WNT7A: variants seen among roughly 807,000 people sequenced by gnomAD.
WNT7A encodes the protein protein Wnt-7a.
WNT7A carries 16 observed loss-of-function variants against 28.2 expected under a neutral mutation model. The ratio of observed to expected loss-of-function variants is 0.57; its 90% CI spans 0.38 to 0.86. WNT7A has a LOEUF of 0.86. Ranked by LOEUF, WNT7A falls within the 40% of genes least tolerant of loss-of-function variation. The probability of loss-of-function intolerance (pLI) is 0.00; values close to 1 mark genes in which losing one functional copy is unlikely to be tolerated. For missense variants in WNT7A, 411 were observed against 489.7 expected (o/e 0.84, Z 1.52); for synonymous variants, 190 against 195.9 (o/e 0.97, Z 0.25).
At chr3:13,834,323 TGA>T (rs1694329925) in intron 3 of WNT7A, among the ~76,000 whole-genome samples, 1 of 152,048 alleles carries the variant, frequency 6.6e-6, no homozygotes, top group African/African-American at 2.4e-5. Flanking sequence ...TGTGGGGAGC[TGA>T]GGAGAGAAAA....
chr3:13,861,822 G>A (rs1054075255), intron 2 of WNT7A, among the ~76,000 whole-genome samples: 1 of 152,214 alleles, frequency 6.6e-6, no homozygotes, highest in Admixed American at 6.5e-5. Context: ...TAGCTTCAAG[G>A]AGAATGGGAG....
chr3:13,834,824 A>T (rs1694340457), intron 3 of WNT7A, among the ~76,000 whole-genome samples: 1 of 152,132 alleles, frequency 6.6e-6, no homozygotes, highest in Admixed American at 6.5e-5. Flanking sequence ...GACACAGCAC[A>T]CGTTTTAGTT....
intron 3 of WNT7A, among the ~76,000 whole-genome samples, chr3:13,825,743 C>G (rs1694183729): frequency 6.6e-6 from 1 of 152,202 alleles, no homozygotes; most frequent in Admixed American, 6.5e-5. Context: ...CCATTTTAGC[C>G]AGAGGCAGTC....
At chr3:13,877,519 A>T (rs1237684777) in intron 1 of WNT7A, among the ~76,000 whole-genome samples, 3 of 152,222 alleles carry the variant, frequency 2.0e-5, no homozygotes, top group Admixed American at 1.3e-4. Flanking sequence ...CTGAGAGTGG[A>T]TAGGTTGGCA....
At chr3:13,870,940 T>A (rs1490163635) in intron 2 of WNT7A, among the ~76,000 whole-genome samples, 1 of 152,224 alleles carries the variant, frequency 6.6e-6, no homozygotes, top group Non-Finnish European at 1.5e-5. Flanking sequence ...AAGGGGACCT[T>A]GCCTGGTACC....
rs1575056906 is a variant in WNT7A, at chr3:13,818,368, A to AAAAAAAAAAAAAAAAAAAAAAAAG, written c.*575_*576insCTTTTTTTTTTTTTTTTTTTTTTT. On this transcript the variant is annotated 3_prime_UTR_variant, in exon 4 of 4. Transcript: ENST00000285018. ...GCAAACAGCAAAAAAAAAAAAAAAAATGTGTGTGTGTATATCTATATATGC... is the reference window on the plus strand; with the variant it reads ...GCAAACAGCAAAAAAAAAAAAAAAAAAAAAAAAAAAAAAAAAAAAAAAAGTGTGTGTGTGTATATCTATATATGC... 1 of 150,044 alleles carries AAAAAAAAAAAAAAAAAAAAAAAAG rather than the reference A, an allele frequency of 6.7e-6. No homozygotes were observed. The highest frequency in any genetic ancestry group is 2.5e-5 in the African/African-American group (1 of 40,606). 9.3% of individuals were successfully genotyped at this position (150,044 alleles called of 1,614,324 possible).
At chr3:13,856,893 A>G (rs9857076) in intron 2 of WNT7A, among the ~76,000 whole-genome samples, 2,389 of 72,606 alleles carry the variant, frequency 0.033, 130 homozygotes, top group African/African-American at 0.071. Flanking sequence ...AGAAGAAGAA[A>G]AAGAAGAAGA....
intron 3 of WNT7A, among the ~76,000 whole-genome samples, chr3:13,830,092 G>A (rs983777004): frequency 2.0e-4 from 31 of 152,168 alleles, no homozygotes; most frequent in African/African-American, 5.8e-4. Flanking sequence ...TCCCCGCAGC[G>A]TCTTCTCCCA....
Position 13,819,441 on chromosome 3 carries a change from G to A in WNT7A, c.571-18C>T. ...TCCAGGATCTGCAGGGGAGGGCGGG[G>A]AAGAGCACAGCACAGGTCACTGCAC... On this transcript the variant is annotated intron_variant, in intron 3 of 3. Transcript: ENST00000285018. The A allele has an allele frequency of 6.2e-7, 1 of 1,609,556 alleles. No individual in the cohort carries two copies. Among genetic ancestry groups the A allele is most frequent in the Non-Finnish European group, 8.5e-7 (1 of 1,179,820 alleles).
At position 13,854,672 on chromosome 3, in the gene WNT7A, C is replaced by G. The variant is rs1426739991; in HGVS notation, c.430G>C (p.Asp144His). 3.1e-6 allele frequency: 5 copies of G among 1,614,082 alleles called. No homozygotes were observed. In the East Asian group the frequency reaches 6.7e-5, roughly 22 times the overall value. Residue 144 changes from aspartate to histidine, a missense_variant, in exon 3 of 4, where the codon GAC becomes CAC. Asp to His is a moderately conservative substitution (Grantham distance 81). Coordinates refer to ENST00000285018, the MANE Select transcript of WNT7A (RefSeq NM_004625.4). Reference sequence around the variant, plus strand: ...CAGCCACCCCACTTCCAGCCCTCGTCCCGGTGGTACTGGCCTTGCTTCTCT... The same window carrying G: ...CAGCCACCCCACTTCCAGCCCTCGTGCCGGTGGTACTGGCCTTGCTTCTCT... ...DKEKQGQYHR[D>H]EGWKWGGCSA...
chr3:13,864,752 A>T lies in WNT7A; in HGVS notation c.299-9949T>A, dbSNP rs115191602. 5.2e-3 allele frequency among the ~76,000 whole-genome samples: 788 copies of T among 152,336 alleles called. 4 individuals are homozygous for T. The highest frequency in any genetic ancestry group is 0.018 in the African/African-American group (746 of 41,560). On this transcript the variant is annotated intron_variant, in intron 2 of 3. Transcript: ENST00000285018. ...ATTGAACCAAATGTACCAGAAAAAAATTAAAATATTATATACTTATATTGT... is the reference window on the plus strand; with the variant it reads ...ATTGAACCAAATGTACCAGAAAAAATTTAAAATATTATATACTTATATTGT...
intron 3 of WNT7A, among the ~76,000 whole-genome samples, chr3:13,822,756 T>C (rs1228593327): frequency 6.6e-6 from 1 of 152,210 alleles, no homozygotes; most frequent in African/African-American, 2.4e-5. Context: ...AAAAAGGCAA[T>C]GGGAAGCCCC....
chr3:13,856,989 G>T (rs1437559136), intron 2 of WNT7A, among the ~76,000 whole-genome samples: 1 of 143,960 alleles, frequency 6.9e-6, no homozygotes, highest in Non-Finnish European at 1.5e-5. Context: ...AGAAGAAGGA[G>T]AAGAAGAAGA....
rs1320156631 is a variant in WNT7A, at chr3:13,819,161, C to T, written c.833G>A (p.Cys278Tyr). The T allele has an allele frequency of 1.7e-5, 28 of 1,614,230 alleles. No individual in the cohort carries two copies. The highest frequency in any genetic ancestry group is 2.4e-5 in the Non-Finnish European group (28 of 1,180,046). ...LVYIEKSPNY[C>Y]EEDPVTGSVG... is the part of the protein sequence containing the mutation. ...ACTGCCGGTCACCGGGTCCTCCTCG[C>T]AGTAGTTGGGCGACTTCTCGATGTA... is the stretch of plus-strand genomic sequence containing the variant. Residue 278 changes from cysteine to tyrosine, a missense_variant, in exon 4 of 4, where the codon TGC (cysteine) becomes TAC (tyrosine). By Grantham distance (194) the Cys-to-Tyr change is radical. Transcript: ENST00000285018.
Position 13,875,012 on chromosome 3 carries a change from C to A in WNT7A, c.233G>T (p.Arg78Leu). ...MGLDECQFQF[R>L]NGRWNCSALG... ...TGCAGAGCAGTTCCAGCGGCCATTGCGGAACTGAAACTGACACTCGTCCAG... is the reference window on the plus strand; with the variant it reads ...TGCAGAGCAGTTCCAGCGGCCATTGAGGAACTGAAACTGACACTCGTCCAG... Residue 78 changes from arginine (R) to leucine (L), a missense_variant, in exon 2 of 4, where the codon CGC (arginine) becomes CTC (leucine). Physicochemically the swap from Arg to Leu is moderately radical, Grantham distance 102. Transcript: ENST00000285018. 6.2e-7 allele frequency: 1 copy of A among 1,614,208 alleles called. No individual in the cohort carries two copies. The highest frequency in any genetic ancestry group is 1.3e-5 in the African/African-American group (1 of 75,070).
chr3:13,864,916 G>C lies in WNT7A; in HGVS notation c.298+10031C>G, dbSNP rs1694887103. Reference sequence around the variant, plus strand: ...TGAAGGGACTTTCAATGGTAATGTGGATTAGAATGGATTTCGCTGCCCATG... The same window carrying C: ...TGAAGGGACTTTCAATGGTAATGTGCATTAGAATGGATTTCGCTGCCCATG... On this transcript the variant is annotated intron_variant, in intron 2 of 3. Coordinates refer to ENST00000285018, the MANE Select transcript of WNT7A (RefSeq NM_004625.4). Among the ~76,000 whole-genome samples, 4 of 152,216 alleles carry C rather than the reference G, an allele frequency of 2.6e-5. No individual in the cohort carries two copies. The South Asian group carries it at 8.3e-4, about 31-fold the overall frequency.
chr3:13,836,202 A>T (rs1385522926), intron 3 of WNT7A, among the ~76,000 whole-genome samples: 2 of 107,796 alleles, frequency 1.9e-5, no homozygotes, highest in African/African-American at 7.2e-5. Flanking sequence ...CTGGTTTTTA[A>T]AAAAAAAAAA....
rs566939062 is a variant in WNT7A, at chr3:13,858,661, G to T, written c.299-3858C>A. On this transcript the variant is annotated intron_variant, in intron 2 of 3. Coordinates refer to ENST00000285018, the MANE Select transcript of WNT7A (RefSeq NM_004625.4). ...TGGCCTTCCCCTCCCCACCAAGCTG[G>T]GCTTCCTCAGCACCCACTGCCCCTG... Among the ~76,000 whole-genome samples, 12 of 152,186 alleles carry T rather than the reference G, an allele frequency of 7.9e-5. No individual in the cohort carries two copies. The East Asian group carries it at 1.7e-3, about 22-fold the overall frequency.
rs752026595 is a variant in WNT7A at position 13,832,687 on chromosome 3, T to C, written c.571-13264A>G. On this transcript the variant is annotated intron_variant, in intron 3 of 3. Coordinates refer to ENST00000285018, the MANE Select transcript of WNT7A (RefSeq NM_004625.4). Reference sequence around the variant, plus strand: ...TTTTCTGTAAACATTTGAGGTATTTTCTTTTTGGTGCATTCTTTAAGTCAT... The same window carrying C: ...TTTTCTGTAAACATTTGAGGTATTTCCTTTTTGGTGCATTCTTTAAGTCAT... Among the ~76,000 whole-genome samples, 70 of 152,040 alleles carry C rather than the reference T, an allele frequency of 4.6e-4. 1 individual carries two copies. Among genetic ancestry groups the C allele is most frequent in the Admixed American group, 1.0e-3 (16 of 15,268 alleles).
Sources: gnomAD v4.1 joint callset for allele counts (sites outside exome capture counted in the v4.1 genomes callset) on GRCh38, gnomAD v4.1.1 for gene constraint, MANE v1.5 for transcripts, NCBI Gene and HGNC (gene_info 2026-07-23, HGNC 2026-07-21) for gene names.